Variants in NRG3 observed in about 807,000 individuals in gnomAD.
The protein encoded by NRG3 is pro-neuregulin-3, membrane-bound isoform.
In NRG3, 31 loss-of-function variants were observed where a neutral mutation model predicts 66.9. The ratio of observed to expected loss-of-function variants is 0.46; its 90% CI spans 0.35 to 0.63. The LOEUF is 0.63. NRG3 is among the 20% of genes least tolerant of loss of function. NRG3 has a pLI of 0.00. For missense variants in NRG3, 910 were observed against 878.9 expected (o/e 1.04, Z -0.45); for synonymous variants, 393 against 359.4 (o/e 1.09, Z -1.06).
In NRG3 at chr10:82,403,642, A is replaced by C. The variant is rs73312912; in HGVS notation, c.953+44774A>C. ...TTTGAAAGAAAAATAGCAGCCTCTA[A>C]GTTTTCATATGGTTCTTCCTCCTGG... On this transcript the variant is annotated intron_variant, in intron 2 of 8. Coordinates refer to ENST00000372141, the MANE Select transcript of NRG3 (RefSeq NM_001010848.4). Among the ~76,000 whole-genome samples the C allele has an allele frequency of 5.0e-3, 764 of 152,284 alleles. 6 individuals carry two copies. The highest frequency in any genetic ancestry group is 0.018 in the African/African-American group (739 of 41,558).
chr10:82,815,060 T>C (rs556204028), intron 3 of NRG3, among the ~76,000 whole-genome samples: 1 of 152,220 alleles, frequency 6.6e-6, no homozygotes, highest in African/African-American at 2.4e-5. Context: ...AGAGTGTGCA[T>C]TGCGGTCATC....
At chr10:82,076,325 C>T (rs538074976) in intron 1 of NRG3, among the ~76,000 whole-genome samples, 9 of 152,286 alleles carry the variant, frequency 5.9e-5, no homozygotes, top group South Asian at 2.1e-4. Flanking sequence ...TGTCCTCAGT[C>T]GTCCAGCTCT....
intron 1 of NRG3, among the ~76,000 whole-genome samples, chr10:81,992,735 A>G (rs1489323763): frequency 2.0e-5 from 3 of 152,076 alleles, no homozygotes; most frequent in Non-Finnish European, 4.4e-5. Flanking sequence ...TCTCCATTCT[A>G]TAGGCTCTCT....
chr10:82,155,008 C>G (rs1324571735), intron 1 of NRG3, among the ~76,000 whole-genome samples: 3 of 151,774 alleles, frequency 2.0e-5, no homozygotes, highest in Non-Finnish European at 4.4e-5. Context: ...AATTTCACTT[C>G]TCTTTTTTAT....
At chr10:82,178,114 A>C (rs2073167890) in intron 1 of NRG3, among the ~76,000 whole-genome samples, 1 of 152,208 alleles carries the variant, frequency 6.6e-6, no homozygotes, top group Admixed American at 6.5e-5. Context: ...GTAGAAAATA[A>C]AAATAAAACC....
rs1224574681 is a variant in NRG3 at position 82,814,714 on chromosome 10, C to T, written c.1028-50697C>T. On this transcript the variant is annotated intron_variant, in intron 3 of 8. Coordinates refer to ENST00000372141, the MANE Select transcript of NRG3 (RefSeq NM_001010848.4). ...TTTATTTTCATTTTATAATAACCAACAATTTCACATGTATTTTCTGTATAA... is the reference window on the plus strand; with the variant it reads ...TTTATTTTCATTTTATAATAACCAATAATTTCACATGTATTTTCTGTATAA... 2.6e-5 allele frequency among the ~76,000 whole-genome samples: 4 copies of T among 152,196 alleles called. No individual in the cohort carries two copies. In the East Asian group the frequency reaches 7.7e-4, roughly 29 times the overall value.
At chr10:81,900,771 T>C (rs1420894572) in intron 1 of NRG3, among the ~76,000 whole-genome samples, 2 of 152,216 alleles carry the variant, frequency 1.3e-5, no homozygotes, top group Admixed American at 6.5e-5. Context: ...TTGGAGAAAG[T>C]GCTGTGTAAA....
At chr10:82,945,561 G>A (rs1372601676) in intron 4 of NRG3, among the ~76,000 whole-genome samples, 1 of 152,170 alleles carries the variant, frequency 6.6e-6, no homozygotes, top group Non-Finnish European at 1.5e-5. Flanking sequence ...AAGGGGGAAG[G>A]CAAGTGAGCT....
At chr10:82,655,529 G>A (rs998541744) in intron 2 of NRG3, among the ~76,000 whole-genome samples, 16 of 152,148 alleles carry the variant, frequency 1.1e-4, no homozygotes, top group Non-Finnish European at 1.8e-4. Context: ...TTGGAAGAAT[G>A]TGGAGATACA....
At chr10:82,006,916 A>T (rs2061394436) in intron 1 of NRG3, among the ~76,000 whole-genome samples, 1 of 152,190 alleles carries the variant, frequency 6.6e-6, no homozygotes, top group Admixed American at 6.5e-5. Flanking sequence ...ACTGATCTGT[A>T]ACTTTTCCAT....
rs574807029 is a variant in NRG3 at position 82,452,931 on chromosome 10, T to C, written c.953+94063T>C. On this transcript the variant is annotated intron_variant, in intron 2 of 8. Coordinates refer to ENST00000372141, the MANE Select transcript of NRG3 (RefSeq NM_001010848.4). ...CCACGTTTCTGTGGCCAACAGTCAG[T>C]CACATGATCCCACTTAGATGCAAGG... Among the ~76,000 whole-genome samples the C allele has an allele frequency of 5.9e-5, 9 of 152,240 alleles. No individual in the cohort carries two copies. In the South Asian group the frequency reaches 1.2e-3, roughly 21 times the overall value.
intron 2 of NRG3, among the ~76,000 whole-genome samples, chr10:82,507,262 T>G (rs1844767810): frequency 6.6e-6 from 1 of 152,158 alleles, no homozygotes; most frequent in Admixed American, 6.5e-5. Flanking sequence ...GTTCGCAGTG[T>G]AAAGCTCCAT....
intron 1 of NRG3, among the ~76,000 whole-genome samples, chr10:82,028,188 G>A (rs946786140): frequency 6.6e-6 from 1 of 152,076 alleles, no homozygotes; most frequent in African/African-American, 2.4e-5. Flanking sequence ...GAACTGCAAT[G>A]ATTATCTTGT....
rs34320765 is a variant in NRG3 at position 82,334,136 on chromosome 10, C to CAA, written c.824-24585_824-24584dup. 3.3e-3 allele frequency among the ~76,000 whole-genome samples: 300 copies of CAA among 89,782 alleles called. 4 individuals carry two copies. The highest frequency in any genetic ancestry group is 0.027 in the East Asian group (103 of 3,776). 58.9% of individuals were successfully genotyped at this position (89,782 alleles called of 152,430 possible). On this transcript the variant is annotated intron_variant, in intron 1 of 8. Transcript: ENST00000372141. ...AGTGAGCCCAGATGGCATGGCGTCT[C>CAA]AAAAAAAAAAAAAAAAAAAGAAAAG...
chr10:82,501,667 AT>A (rs1844204369), intron 2 of NRG3, among the ~76,000 whole-genome samples: 1 of 152,054 alleles, frequency 6.6e-6, no homozygotes, highest in East Asian at 1.9e-4. Context: ...AGAAAGTACC[AT>A]GTCTTTCTCT....
At chr10:82,650,582 C>T (rs1350275548) in intron 2 of NRG3, among the ~76,000 whole-genome samples, 3 of 152,170 alleles carry the variant, frequency 2.0e-5, no homozygotes, top group Non-Finnish European at 4.4e-5. Context: ...GACACTAGAA[C>T]TAAAATTTCA....
chr10:82,909,676 C>G (rs1845130884), intron 4 of NRG3, among the ~76,000 whole-genome samples: 1 of 152,150 alleles, frequency 6.6e-6, no homozygotes, highest in Non-Finnish European at 1.5e-5. Context: ...GACCTACGTT[C>G]ATTACTCACT....
intron 4 of NRG3, among the ~76,000 whole-genome samples, chr10:82,918,478 A>C (rs1393522465): frequency 6.6e-6 from 1 of 152,248 alleles, no homozygotes; most frequent in Non-Finnish European, 1.5e-5. Context: ...AGTACCTGAC[A>C]CATGAGAGTT....
intron 3 of NRG3, among the ~76,000 whole-genome samples, chr10:82,810,637 C>A (rs2061452029): frequency 6.6e-6 from 1 of 151,420 alleles, no homozygotes; most frequent in African/African-American, 2.4e-5. Context: ...CTGGTGGGTG[C>A]CTGTAATCCC....
Sources: allele counts gnomAD v4.1 joint callset (sites outside exome capture counted in the v4.1 genomes callset), GRCh38; gene constraint gnomAD v4.1.1; transcripts MANE v1.5; gene names NCBI Gene and HGNC (gene_info 2026-07-23, HGNC 2026-07-21).